The following APBA1 variants were observed in gnomAD, a reference collection of about 807,000 sequenced individuals.
The protein encoded by APBA1 is amyloid beta precursor protein binding family A member 1, also known as amyloid-beta A4 precursor protein-binding family A member 1.
APBA1 carries 55 observed loss-of-function variants against 86.6 expected under a neutral mutation model. The observed-to-expected ratio is 0.64, with a 90% confidence interval of 0.51 to 0.80. APBA1 has a LOEUF of 0.80. Among genes scored for constraint, APBA1 ranks in the 30% least tolerant of loss-of-function variants. The probability of loss-of-function intolerance (pLI) is 0.00; values close to 1 mark genes in which losing one functional copy is unlikely to be tolerated. For missense variants in APBA1, 1,090 were observed against 1,183.0 expected, an observed-to-expected ratio of 0.92 and a Z score of 1.15; for synonymous variants, 511 against 493.9, an observed-to-expected ratio of 1.03 and a Z score of -0.46.
intron 2 of APBA1, among the ~76,000 whole-genome samples, chr9:69,505,935 C>T (rs1835953728): frequency 6.6e-6 from 1 of 151,842 alleles, no homozygotes; most frequent in Admixed American, 6.6e-5. Flanking sequence ...AGGAGAATTG[C>T]TTGAGCCTGG....
chr9:69,493,490 A>G (rs1233520117), intron 2 of APBA1, among the ~76,000 whole-genome samples: 1 of 152,064 alleles, frequency 6.6e-6, no homozygotes, highest in Non-Finnish European at 1.5e-5. Context: ...TCTTGTAAGA[A>G]CTATCTGCAT....
At chr9:69,433,007 C>T (rs1834632259) in intron 11 of APBA1, among the ~76,000 whole-genome samples, 1 of 152,158 alleles carries the variant, frequency 6.6e-6, no homozygotes, top group Non-Finnish European at 1.5e-5. Flanking sequence ...AAACTGTCAG[C>T]CTGTGTGACA....
intron 4 of APBA1, among the ~76,000 whole-genome samples, chr9:69,470,266 TA>T (rs944465563): frequency 6.6e-6 from 1 of 152,066 alleles, no homozygotes; most frequent in Non-Finnish European, 1.5e-5. Context: ...CTTACAAAGT[TA>T]AAAAAAATTA....
At chr9:69,456,142 G>A (rs747881296) in intron 8 of APBA1, 105 bp downstream of exon 8, 15 of 1,251,746 alleles carry the variant, frequency 1.2e-5, no homozygotes, top group East Asian at 4.6e-5. Context: ...CACACAGTAC[G>A]TGCACAATAA....
chr9:69,472,268 A>T (rs1835378502), intron 3 of APBA1, among the ~76,000 whole-genome samples: 1 of 152,152 alleles, frequency 6.6e-6, no homozygotes, highest in African/African-American at 2.4e-5. Context: ...TAAATTAAAA[A>T]CCCTGGAATT....
intron 4 of APBA1, 46 bp from the exon 5 acceptor site, chr9:69,468,014 C>T (rs1334354381): frequency 2.5e-6 from 4 of 1,596,204 alleles, no homozygotes; most frequent in Admixed American, 3.4e-5. Context: ...TGGGGTGGGG[C>T]CTGCCAACCC....
chr9:69,599,664 A>G (rs1193658765), intron 1 of APBA1, among the ~76,000 whole-genome samples: 1 of 152,186 alleles, frequency 6.6e-6, no homozygotes, highest in Non-Finnish European at 1.5e-5. Flanking sequence ...CCCCTGGACC[A>G]GTAGCACCAG....
intron 1 of APBA1, among the ~76,000 whole-genome samples, chr9:69,600,071 C>T (rs1564088409): frequency 6.6e-6 from 1 of 152,166 alleles, no homozygotes; most frequent in Admixed American, 6.5e-5. Flanking sequence ...CTGCTATACT[C>T]CCTTCTTTCT....
Position 69,611,293 on chromosome 9 carries a change from A to C in APBA1, c.-70+60860T>G, listed in dbSNP as rs1218078778. On this transcript the variant is annotated intron_variant, in intron 1 of 12. Coordinates refer to ENST00000265381, the MANE Select transcript of APBA1 (RefSeq NM_001163.4). ...TGCAGGGACCAGAAAAGGAAAAAAA[A>C]AAAAAAAAAAACAAAAAAAAAACCC... 4.8e-4 allele frequency among the ~76,000 whole-genome samples: 73 copies of C among 151,146 alleles called. 1 individual carries two copies. The highest frequency in any genetic ancestry group is 1.5e-3 in the South Asian group (7 of 4,802).
chr9:69,435,592 T>C (rs549635131), intron 11 of APBA1, among the ~76,000 whole-genome samples: 10 of 152,368 alleles, frequency 6.6e-5, no homozygotes, highest in African/African-American at 1.9e-4. Context: ...ATAAATGTCA[T>C]CTTTTGAGAA....
Position 69,658,108 on chromosome 9 carries a change from C to G in APBA1, c.-70+14045G>C, listed in dbSNP as rs76482252. Among the ~76,000 whole-genome samples, 334 of 152,308 alleles carry G rather than the reference C, an allele frequency of 2.2e-3. 5 individuals carry two copies. In the South Asian group the frequency reaches 0.049, roughly 22 times the overall value. On this transcript the variant is annotated intron_variant, in intron 1 of 12. Transcript: ENST00000265381. Reference sequence around the variant, plus strand: ...TATCACTAGGAGCCAGCAGCTACTTCTCAGGAAAAAGACTGGAATGTGGAG... The same window carrying G: ...TATCACTAGGAGCCAGCAGCTACTTGTCAGGAAAAAGACTGGAATGTGGAG...
At chr9:69,666,490 T>C (rs1305609898) in intron 1 of APBA1, among the ~76,000 whole-genome samples, 1 of 152,188 alleles carries the variant, frequency 6.6e-6, no homozygotes, top group Non-Finnish European at 1.5e-5. Context: ...TTATTTATTT[T>C]TAATCTCCTT....
At chr9:69,640,155 T>C (rs1387417488) in intron 1 of APBA1, among the ~76,000 whole-genome samples, 1 of 152,176 alleles carries the variant, frequency 6.6e-6, no homozygotes, top group Non-Finnish European at 1.5e-5. Flanking sequence ...CCATCTATTT[T>C]GCATATGTAC....
chr9:69,463,411 C>T (rs1403614881), intron 5 of APBA1: 2 of 152,314 alleles, frequency 1.3e-5, no homozygotes, highest in South Asian at 2.1e-4. Flanking sequence ...CAAATTCTCT[C>T]TCCATGTGGC....
chr9:69,586,310 G>C (rs930620141), intron 1 of APBA1, among the ~76,000 whole-genome samples: 8 of 152,144 alleles, frequency 5.3e-5, no homozygotes, highest in Admixed American at 3.3e-4. Context: ...ATTATGCTGT[G>C]ATTGTTTATA....
At chr9:69,620,398 C>T (rs948518009) in intron 1 of APBA1, among the ~76,000 whole-genome samples, 27 of 152,094 alleles carry the variant, frequency 1.8e-4, no homozygotes, top group Non-Finnish European at 3.5e-4. Flanking sequence ...GACAGAGTGC[C>T]GGCCAGGCAT....
At chr9:69,636,075 T>G (rs1450599372) in intron 1 of APBA1, among the ~76,000 whole-genome samples, 1 of 152,158 alleles carries the variant, frequency 6.6e-6, no homozygotes, top group Non-Finnish European at 1.5e-5. Flanking sequence ...ATAATCTGGT[T>G]TAAAAACAGG....
intron 1 of APBA1, among the ~76,000 whole-genome samples, chr9:69,559,472 C>A (rs1836915580): frequency 6.6e-6 from 1 of 152,160 alleles, no homozygotes; most frequent in African/African-American, 2.4e-5. Flanking sequence ...TAAATGGAAT[C>A]CTATGGTGGG....
At chr9:69,581,852 G>A in intron 1 of APBA1, among the ~76,000 whole-genome samples, 1 of 152,120 alleles carries the variant, frequency 6.6e-6, no homozygotes, top group African/African-American at 2.4e-5. Context: ...CAAGGGCCTG[G>A]CTTCCCTCTG....
Sources: allele counts gnomAD v4.1 joint callset (sites outside exome capture counted in the v4.1 genomes callset), GRCh38; gene constraint gnomAD v4.1.1; transcripts MANE v1.5; gene names NCBI Gene and HGNC (gene_info 2026-07-23, HGNC 2026-07-21).